GLYATL1: variants seen among roughly 807,000 people sequenced by gnomAD.
GLYATL1 encodes glycine-N-acyltransferase like 1, also known as glycine N-acyltransferase-like protein 1.
In GLYATL1, 15 loss-of-function variants were observed where a neutral mutation model predicts 20.0. The observed-to-expected ratio is 0.75, with a 90% confidence interval of 0.50 to 1.15. The LOEUF is 1.15. Among genes scored for constraint, GLYATL1 ranks in the 50% most tolerant of loss-of-function variants. GLYATL1 has a pLI of 0.00. For synonymous variants in GLYATL1, 151 were observed against 131.5 expected, an observed-to-expected ratio of 1.15 and a Z score of -1.01; for missense variants, 380 against 368.5, an observed-to-expected ratio of 1.03 and a Z score of -0.26.
intron 2 of GLYATL1, among the ~76,000 whole-genome samples, chr11:58,945,197 T>TA (rs1335426182): frequency 1.3e-5 from 2 of 152,186 alleles, no homozygotes; most frequent in East Asian, 3.9e-4. Context: ...ATTGTACGCT[T>TA]AAAAATGGTT....
chr11:58,907,900 A>G (rs771363920), exon 2 of GLYATL1: 3 of 154,238 alleles, frequency 1.9e-5, no homozygotes, highest in Non-Finnish European at 4.3e-5. Context: ...TCTCCCTGAT[A>G]CTTCATGAAT....
chr11:58,951,067 T>C (rs1856956001), intron 4 of GLYATL1, among the ~76,000 whole-genome samples: 1 of 152,154 alleles, frequency 6.6e-6, no homozygotes, highest in African/African-American at 2.4e-5. Context: ...ATATATTATC[T>C]TTTTCACTAT....
chr11:58,923,481 G>C (rs941182734), upstream of GLYATL1, among the ~76,000 whole-genome samples: 1 of 152,208 alleles, frequency 6.6e-6, no homozygotes, highest in African/African-American at 2.4e-5. Context: ...CCAAACAGAG[G>C]TACTTTCCCT....
chr11:58,931,732 T>TA (rs1855607030), intron 1 of GLYATL1, among the ~76,000 whole-genome samples: 1 of 151,838 alleles, frequency 6.6e-6, no homozygotes, highest in Non-Finnish European at 1.5e-5. Context: ...CACCTGAGAA[T>TA]AAAAAATCAA....
intron 2 of GLYATL1, among the ~76,000 whole-genome samples, chr11:58,944,606 T>A (rs1378255023): frequency 6.6e-6 from 1 of 152,078 alleles, no homozygotes; most frequent in Non-Finnish European, 1.5e-5. Flanking sequence ...CAAAAACAAT[T>A]TTCATGTTTA....
chr11:58,943,282 T>C (rs1856302866), intron 1 of GLYATL1: 4 of 1,545,806 alleles, frequency 2.6e-6, no homozygotes, highest in South Asian at 1.2e-5. Flanking sequence ...ATACTTCAAC[T>C]ACTCATAGAC....
chr11:58,944,999 A>C (rs925332379), intron 2 of GLYATL1, among the ~76,000 whole-genome samples: 2 of 146,910 alleles, frequency 1.4e-5, no homozygotes, highest in Non-Finnish European at 3.0e-5. Flanking sequence ...GAAATAAAGT[A>C]AAAGTTATTT....
chr11:58,954,918 G>C, intron 5 of GLYATL1, 22 bp downstream of exon 5: 1 of 1,600,922 alleles, frequency 6.2e-7, no homozygotes, highest in Non-Finnish European at 8.5e-7. Context: ...GAAGAAATGG[G>C]CAAGCAGCTG....
At chr11:58,913,684 T>C (rs1004175144) in intron 1 of GLYATL1, among the ~76,000 whole-genome samples, 12 of 152,130 alleles carry the variant, frequency 7.9e-5, no homozygotes, top group African/African-American at 2.9e-4. Context: ...TGTGTGTCTG[T>C]TTTGATATGG....
At chr11:58,951,631 A>T (rs916421047) in intron 4 of GLYATL1, among the ~76,000 whole-genome samples, 2 of 152,122 alleles carry the variant, frequency 1.3e-5, no homozygotes, top group African/African-American at 4.8e-5. Context: ...AAATTTTTTC[A>T]TCAAGAAATA....
At chr11:58,926,686 C>CA (rs138078924), upstream of GLYATL1, among the ~76,000 whole-genome samples, 6,256 of 152,196 alleles carry the variant, frequency 0.041, 404 homozygotes, top group African/African-American at 0.14. Flanking sequence ...TTGATGATAT[C>CA]GAGTCATAAC....
chr11:58,907,424 T>C (rs983223386), exon 2 of GLYATL1: 4 of 455,910 alleles, frequency 8.8e-6, no homozygotes, highest in African/African-American at 6.0e-5. Flanking sequence ...CCATCTTTAA[T>C]TGCATGATGT....
At chr11:58,916,089 G>A (rs1371178636) in intron 1 of GLYATL1, among the ~76,000 whole-genome samples, 1 of 152,102 alleles carries the variant, frequency 6.6e-6, no homozygotes, top group African/African-American at 2.4e-5. Flanking sequence ...CCTTGGAAAG[G>A]AAGAGACATG....
At chr11:58,940,497 G>A (rs545967084) in intron 1 of GLYATL1, among the ~76,000 whole-genome samples, 7 of 152,296 alleles carry the variant, frequency 4.6e-5, no homozygotes, top group East Asian at 1.9e-4. Context: ...TATGTATTAC[G>A]TTAAATGTTG....
At chr11:58,906,172 T>C (rs116303232) in intron 1 of GLYATL1, among the ~76,000 whole-genome samples, 2,982 of 152,228 alleles carry the variant, frequency 0.02, 52 homozygotes, top group South Asian at 0.05. Context: ...GCAGGGGCAG[T>C]AGACAGAAGG....
intron 2 of GLYATL1, among the ~76,000 whole-genome samples, chr11:58,944,224 G>A (rs1856401500): frequency 6.6e-6 from 1 of 152,134 alleles, no homozygotes; most frequent in African/African-American, 2.4e-5. Flanking sequence ...TTATAAATGA[G>A]GGCTCTCAGT....
rs369016660 is a variant in GLYATL1, at chr11:58,947,977, G to A, written c.186+12G>A. On this transcript the variant is annotated intron_variant, in intron 4 of 6. Transcript: ENST00000532726. ...GGCCTCAAAAGCAGGTAGGCACACA[G>A]ACAGGGACTGGTGGAGCCAGGCAGG... 65 of 1,583,646 alleles carry A rather than the reference G, an allele frequency of 4.1e-5. 1 individual carries two copies. In the African/African-American group the frequency reaches 6.0e-4, roughly 15 times the overall value.
Position 58,955,780 on chromosome 11 carries a change from T to C in GLYATL1, c.662T>C (p.Val221Ala). 1.2e-6 allele frequency: 2 copies of C among 1,614,134 alleles called. No homozygotes were observed. The highest frequency in any genetic ancestry group is 1.3e-5 in the African/African-American group (1 of 75,028). The change falls in exon 7 of 7, where the codon GTA becomes GCA. Residue 221 changes from valine to alanine, a missense_variant. Transcript: ENST00000532726. ...CCAGAGGGAGTCCCGGTCTCATGGGTAACCATGGACCCTTCTTGTGAAGTA... is the reference window on the plus strand; with the variant it reads ...CCAGAGGGAGTCCCGGTCTCATGGGCAACCATGGACCCTTCTTGTGAAGTA... ...LGPEGVPVSWVTMDPSCEVGM... is the reference protein window; with the variant it reads ...LGPEGVPVSWATMDPSCEVGM...
intron 1 of GLYATL1, among the ~76,000 whole-genome samples, chr11:58,906,437 G>A (rs1854887899): frequency 6.6e-6 from 1 of 152,090 alleles, no homozygotes; most frequent in Admixed American, 6.5e-5. Flanking sequence ...CACTGATCAG[G>A]GAATGGAACA....
Sources: gnomAD v4.1 joint callset for allele counts (sites outside exome capture counted in the v4.1 genomes callset) on GRCh38, gnomAD v4.1.1 for gene constraint, MANE v1.5 for transcripts, NCBI Gene and HGNC (gene_info 2026-07-23, HGNC 2026-07-21) for gene names.